The following QRICH1 variants were observed in gnomAD, a reference collection of about 807,000 sequenced individuals.
The protein encoded by QRICH1 is glutamine rich 1.
In QRICH1, 16 loss-of-function variants were observed where a neutral mutation model predicts 87.1. That is an observed-to-expected ratio of 0.18 (90% CI 0.12 to 0.28). The LOEUF is 0.28. QRICH1 is among the 10% of genes least tolerant of loss of function. QRICH1 has a pLI of 1.00. For synonymous variants in QRICH1, 367 were observed against 368.4 expected (o/e 1.00, Z 0.05); for missense variants, 647 against 951.7 (o/e 0.68, Z 4.21).
At chr3:49,039,642 A>G in intron 6 of QRICH1, among the ~76,000 whole-genome samples, 1 of 151,590 alleles carries the variant, frequency 6.6e-6, no homozygotes, top group East Asian at 1.9e-4. Context: ...AAAAAAAAAA[A>G]AGTATGGATA....
intron 1 of QRICH1, among the ~76,000 whole-genome samples, chr3:49,084,319 G>T (rs528503232): frequency 6.6e-6 from 1 of 150,860 alleles, no homozygotes. Context: ...GTAGTGGCAC[G>T]ATCCTGGCTC....
chr3:49,031,199 G>A (rs1222614303), intron 9 of QRICH1, among the ~76,000 whole-genome samples: 4 of 151,964 alleles, frequency 2.6e-5, no homozygotes, highest in African/African-American at 9.7e-5. Flanking sequence ...TGTTGGCCAG[G>A]CTGGTCTCGA....
intron 1 of QRICH1, among the ~76,000 whole-genome samples, chr3:49,082,894 CAAAAAAAAAAA>C (rs76269302): frequency 1.3e-5 from 1 of 77,326 alleles, no homozygotes; most frequent in African/African-American, 4.9e-5. Context: ...GACTGCGTCT[CAAAAAAAAAAA>C]AAAAGAAAAA....
chr3:49,048,511 G>A (rs1291042220), intron 3 of QRICH1, among the ~76,000 whole-genome samples: 24 of 150,200 alleles, frequency 1.6e-4, no homozygotes, highest in Middle Eastern at 3.5e-3. Context: ...CACCCTGGCC[G>A]GGTGCAGTGG....
chr3:49,070,298 A>T (rs2093493538), intron 2 of QRICH1, among the ~76,000 whole-genome samples: 1 of 152,110 alleles, frequency 6.6e-6, no homozygotes, highest in Non-Finnish European at 1.5e-5. Context: ...TCAGCCTCCC[A>T]AGGTGCTGGG....
At chr3:49,088,759 G>T (rs2042218901) in intron 1 of QRICH1, among the ~76,000 whole-genome samples, 1 of 151,494 alleles carries the variant, frequency 6.6e-6, no homozygotes, top group African/African-American at 2.4e-5. Context: ...CCGAGTAGCT[G>T]GGACTACAGG....
At chr3:49,059,426 T>TA (rs1295485795) in intron 2 of QRICH1, among the ~76,000 whole-genome samples, 3 of 150,386 alleles carry the variant, frequency 2.0e-5, no homozygotes, top group South Asian at 4.2e-4. Flanking sequence ...CCAGCTAATT[T>TA]TTTTTTTTTT....
intron 2 of QRICH1, among the ~76,000 whole-genome samples, chr3:49,060,609 C>T (rs71324935): frequency 6.6e-5 from 10 of 152,130 alleles, no homozygotes; most frequent in Admixed American, 6.5e-4. Context: ...GGATTATAGG[C>T]GTGAGCCACC....
Position 49,093,894 on chromosome 3 carries a change from C to A in QRICH1, c.-22+18G>T, listed in dbSNP as rs1162647782. The A allele has an allele frequency of 5.1e-6, 2 of 392,118 alleles. No homozygotes were observed. Among genetic ancestry groups the A allele is most frequent in the Non-Finnish European group, 9.0e-6 (2 of 222,668 alleles). 24.3% of individuals were successfully genotyped at this position (392,118 alleles called of 1,614,324 possible). A position where few individuals can be genotyped will look rare whatever the true frequency, so the allele number is the denominator to read the frequency against. On this transcript the variant is annotated intron_variant, in intron 1 of 9. Transcript: ENST00000395443. The stretch of plus-strand genomic sequence containing the variant: ...GCCTACAGCTTCGCCGCATCCCCAC[C>A]CGCACTGGAGCCCTCACCCGGCGAC...
chr3:49,038,422 TA>T (rs1367280621), intron 6 of QRICH1, among the ~76,000 whole-genome samples: 1 of 151,932 alleles, frequency 6.6e-6, no homozygotes, highest in Non-Finnish European at 1.5e-5. Context: ...TAATTATTAT[TA>T]TTTTTTTGAG....
chr3:49,064,234 ATTTT>A (rs1029737044), intron 2 of QRICH1, among the ~76,000 whole-genome samples: 4 of 92,316 alleles, frequency 4.3e-5, no homozygotes, highest in South Asian at 6.5e-4. Context: ...GCTGGCCCTA[ATTTT>A]TTTTTTTTTT....
At chr3:49,050,295 C>T (rs1177284420) in intron 3 of QRICH1, among the ~76,000 whole-genome samples, 4 of 136,956 alleles carry the variant, frequency 2.9e-5, no homozygotes, top group Admixed American at 7.3e-5. Context: ...TGGTAGCACA[C>T]GCCTGTAATC....
chr3:49,065,135 CCT>C (rs1386098162), intron 2 of QRICH1, among the ~76,000 whole-genome samples: 3 of 151,368 alleles, frequency 2.0e-5, no homozygotes, highest in African/African-American at 7.3e-5. Context: ...TTTTTGGAAA[CCT>C]CTTTTTTTTT....
chr3:49,070,135 T>G (rs752975438), intron 2 of QRICH1, among the ~76,000 whole-genome samples: 1 of 152,008 alleles, frequency 6.6e-6, no homozygotes, highest in Non-Finnish European at 1.5e-5. Context: ...CTTCCCAGGT[T>G]CAAGCAATTC....
At chr3:49,072,638 A>G (rs939488269) in intron 2 of QRICH1, among the ~76,000 whole-genome samples, 1 of 152,204 alleles carries the variant, frequency 6.6e-6, no homozygotes, top group Admixed American at 6.6e-5. Context: ...GTAAAGATTA[A>G]TAAGCTCATG....
intron 2 of QRICH1, 127 bp from the exon 3 acceptor site, chr3:49,058,017 G>C (rs751766200): frequency 2.6e-6 from 4 of 1,511,360 alleles, no homozygotes; most frequent in African/African-American, 1.4e-5. Context: ...GCATACTCAA[G>C]GCTTCTGAGA....
rs539385647 is a variant in QRICH1 at position 49,055,510 on chromosome 3, T to C, written c.1338+1352A>G. Among the ~76,000 whole-genome samples, 16 of 152,296 alleles carry C rather than the reference T, an allele frequency of 1.1e-4. 1 individual carries two copies. In the South Asian group the frequency reaches 3.3e-3, roughly 32 times the overall value. Reference sequence around the variant, plus strand: ...CATCTACGCTGGGACCACAGGTATGTGCCATCACACTAGACTATATTTTTT... The same window carrying C: ...CATCTACGCTGGGACCACAGGTATGCGCCATCACACTAGACTATATTTTTT... On this transcript the variant is annotated intron_variant, in intron 3 of 9. Transcript: ENST00000395443.
chr3:49,053,497 AAAAAAAAAC>A, intron 3 of QRICH1, among the ~76,000 whole-genome samples: 1 of 151,182 alleles, frequency 6.6e-6, no homozygotes, highest in East Asian at 1.9e-4. Context: ...AAAAAAAAAA[AAAAAAAAAC>A]AAGTCTCAAC....
At chr3:49,078,479 C>T (rs1445366598) in intron 1 of QRICH1, among the ~76,000 whole-genome samples, 1 of 137,210 alleles carries the variant, frequency 7.3e-6, no homozygotes, top group African/African-American at 2.7e-5. Context: ...ACTGCAAGCT[C>T]CACCTCCTGG....
Sources: gnomAD v4.1 joint callset for allele counts (sites outside exome capture counted in the v4.1 genomes callset) on GRCh38, gnomAD v4.1.1 for gene constraint, MANE v1.5 for transcripts, NCBI Gene and HGNC (gene_info 2026-07-23, HGNC 2026-07-21) for gene names.